Variants in ATP10A observed in about 807,000 individuals in gnomAD.
ATP10A encodes the protein ATPase phospholipid transporting 10A (putative), also known as phospholipid-transporting ATPase VA.
ATP10A carries 111 observed loss-of-function variants against 147.8 expected under a neutral mutation model. The observed-to-expected ratio is 0.75, with a 90% confidence interval of 0.64 to 0.88. The LOEUF is 0.88. Ranked by LOEUF, ATP10A falls within the 40% of genes least tolerant of loss-of-function variation. The probability of loss-of-function intolerance (pLI) is 0.00; values close to 1 mark genes in which losing one functional copy is unlikely to be tolerated. For synonymous variants in ATP10A, 875 were observed against 841.6 expected, an observed-to-expected ratio of 1.04 and a Z score of -0.69; for missense variants, 1,927 against 1,959.0, an observed-to-expected ratio of 0.98 and a Z score of 0.31.
intron 2 of ATP10A, among the ~76,000 whole-genome samples, chr15:25,744,112 C>T (rs760436329): frequency 5.3e-5 from 8 of 152,002 alleles, no homozygotes; most frequent in Non-Finnish European, 1.0e-4. Context: ...AGGTGAACTG[C>T]GGGAAAGAGC....
At chr15:25,792,722 A>G (rs1890486633) in intron 1 of ATP10A, among the ~76,000 whole-genome samples, 1 of 152,110 alleles carries the variant, frequency 6.6e-6, no homozygotes, top group Admixed American at 6.5e-5. Context: ...ATTCACCTCC[A>G]GGAGACTTGT....
intron 2 of ATP10A, among the ~76,000 whole-genome samples, chr15:25,760,950 G>A (rs1484774291): frequency 1.3e-5 from 2 of 152,108 alleles, no homozygotes; most frequent in Non-Finnish European, 2.9e-5. Context: ...CTAAGTCTTT[G>A]CAAAGACTTT....
intron 1 of ATP10A, among the ~76,000 whole-genome samples, chr15:25,857,647 GA>G (rs1265823028): frequency 6.6e-6 from 1 of 152,148 alleles, no homozygotes; most frequent in Non-Finnish European, 1.5e-5. Context: ...GCTAATTGTT[GA>G]AACTGGACAA....
Position 25,708,027 on chromosome 15 carries a change from C to T in ATP10A, c.2524G>A (p.Glu842Lys). 6.2e-7 allele frequency: 1 copy of T among 1,614,172 alleles called. No homozygotes were observed. Among genetic ancestry groups the T allele is most frequent in the South Asian group, 1.1e-5 (1 of 91,082 alleles). ...EAESSLENSE[E>K]LLFQSAIRLE... is the part of the protein sequence containing the mutation. ...CGAATGGCAGACTGGAAGAGGAGCT[C>T]CTCGCTGTTTTCCAGGGAGGATTCG... The change falls in exon 12 of 21, where the codon GAG becomes AAG. Residue 842 changes from glutamate (E) to lysine (K), a missense_variant. Coordinates refer to ENST00000555815, the MANE Select transcript of ATP10A (RefSeq NM_024490.4).
At position 25,716,934 on chromosome 15, in the gene ATP10A, A is replaced by T; in HGVS notation, c.1582-10T>A. 1 of 1,549,360 alleles carries T rather than the reference A, an allele frequency of 6.5e-7. No individual in the cohort carries two copies. The highest frequency in any genetic ancestry group is 8.7e-7 in the Non-Finnish European group (1 of 1,144,738). ...GCGTGATATCCTTCTCCTGGGAGAA[A>T]GGGAGGCTGGCAGTGAGTCCCACCC... is the stretch of plus-strand genomic sequence containing the variant. On this transcript the variant is annotated splice_polypyrimidine_tract_variant and intron_variant, in intron 8 of 20. Transcript: ENST00000555815.
intron 2 of ATP10A, among the ~76,000 whole-genome samples, chr15:25,767,368 G>A (rs1249842194): frequency 1.3e-5 from 2 of 152,200 alleles, no homozygotes; most frequent in Non-Finnish European, 2.9e-5. Flanking sequence ...ATCCCGGACA[G>A]CGAGTCTGCT....
intron 19 of ATP10A, 150 bp from the exon 20 acceptor site, chr15:25,680,458 G>A: frequency 1.2e-6 from 1 of 839,830 alleles, no homozygotes; most frequent in Non-Finnish European, 1.8e-6. Context: ...AACCGGTGGG[G>A]CTCAATGAGG....
intron 5 of ATP10A, among the ~76,000 whole-genome samples, chr15:25,724,949 G>C (rs758266861): frequency 6.6e-6 from 1 of 152,264 alleles, no homozygotes; most frequent in Non-Finnish European, 1.5e-5. Flanking sequence ...CATTTACATC[G>C]TATTAGGCAT....
At chr15:25,752,497 G>A (rs1888206453) in intron 2 of ATP10A, among the ~76,000 whole-genome samples, 1 of 152,140 alleles carries the variant, frequency 6.6e-6, no homozygotes. Context: ...TGGGAGTTGG[G>A]AGAGATGGGG....
rs929620966 is a variant in ATP10A at position 25,758,761 on chromosome 15, C to T, written c.654+22258G>A. 3.3e-5 allele frequency among the ~76,000 whole-genome samples: 4 copies of T among 122,820 alleles called. 1 individual carries two copies. The highest frequency in any genetic ancestry group is 6.5e-5 in the African/African-American group (2 of 30,622). The allele number at this position is 122,820 out of a possible 152,430, so 80.6% of individuals were successfully genotyped here. On this transcript the variant is annotated intron_variant, in intron 2 of 20. Transcript: ENST00000555815. ...CCACCTGCTCCACCCTAACTCATTC[C>T]GATCACCTGCTCCACCCTAACTCAT...
At chr15:25,728,526 C>A (rs1022702999) in intron 3 of ATP10A, among the ~76,000 whole-genome samples, 1 of 152,266 alleles carries the variant, frequency 6.6e-6, no homozygotes, top group East Asian at 1.9e-4. Context: ...TATGAGATAT[C>A]CTTAGGTACA....
At chr15:25,839,524 T>C (rs1336666944) in intron 1 of ATP10A, among the ~76,000 whole-genome samples, 5 of 152,130 alleles carry the variant, frequency 3.3e-5, no homozygotes, top group Non-Finnish European at 5.9e-5. Context: ...AAATCTACAC[T>C]AGCCCTCCTT....
rs1191013315 is a variant in ATP10A, at chr15:25,862,961, T to C, written c.136A>G (p.Lys46Glu). Residue 46 changes from lysine to glutamate, a missense_variant, in exon 1 of 21, where the codon AAG becomes GAG. Lys to Glu is a moderately conservative substitution (Grantham distance 56, BLOSUM62 1). Coordinates refer to ENST00000555815, the MANE Select transcript of ATP10A (RefSeq NM_024490.4). Reference protein sequence around the residue: ...GAEDPAAGAAKGERRRRRGCA... With the variant: ...GAEDPAAGAAEGERRRRRGCA... ...CCGCGCCGCCGTCGCCGCTCGCCCT[T>C]GGCCGCGCCAGCCGCAGGGTCCTCG... 1.9e-6 allele frequency: 3 copies of C among 1,539,760 alleles called. No individual in the cohort carries two copies. Among genetic ancestry groups the C allele is most frequent in the African/African-American group, 1.4e-5 (1 of 70,514 alleles).
At chr15:25,739,718 C>G (rs1251136768) in intron 2 of ATP10A, among the ~76,000 whole-genome samples, 1 of 152,176 alleles carries the variant, frequency 6.6e-6, no homozygotes, top group African/African-American at 2.4e-5. Context: ...AAGGGTTCGC[C>G]CACTGCAGAG....
In ATP10A at chr15:25,786,530, G is replaced by A. The variant is rs539733580; in HGVS notation, c.450-5307C>T. Reference sequence around the variant, plus strand: ...GACCTCCCCTACAAAGGCCATGGACGACTAAGAGCTTGGGACAGGTCTTTA... The same window carrying A: ...GACCTCCCCTACAAAGGCCATGGACAACTAAGAGCTTGGGACAGGTCTTTA... On this transcript the variant is annotated intron_variant, in intron 1 of 20. Coordinates refer to ENST00000555815, the MANE Select transcript of ATP10A (RefSeq NM_024490.4). Among the ~76,000 whole-genome samples the A allele has an allele frequency of 8.6e-5, 13 of 151,380 alleles. No individual in the cohort carries two copies. The East Asian group carries it at 1.9e-3, about 23-fold the overall frequency.
At chr15:25,718,674 C>T (rs1176650210) in intron 7 of ATP10A, among the ~76,000 whole-genome samples, 3 of 152,206 alleles carry the variant, frequency 2.0e-5, no homozygotes, top group East Asian at 1.9e-4. Flanking sequence ...GGAAGGGGAA[C>T]GGGTTGACGT....
At chr15:25,815,145 T>A (rs1891595819) in intron 1 of ATP10A, among the ~76,000 whole-genome samples, 1 of 152,150 alleles carries the variant, frequency 6.6e-6, no homozygotes, top group South Asian at 2.1e-4. Context: ...CACTCAGAAG[T>A]TACGCTCCAT....
At chr15:25,741,490 C>T (rs1285055090) in intron 2 of ATP10A, among the ~76,000 whole-genome samples, 1 of 152,224 alleles carries the variant, frequency 6.6e-6, no homozygotes, top group Non-Finnish European at 1.5e-5. Context: ...TAGCTCCTTA[C>T]TTATTGATCA....
At chr15:25,687,387 T>C (rs900082353) in intron 16 of ATP10A, among the ~76,000 whole-genome samples, 3 of 151,960 alleles carry the variant, frequency 2.0e-5, no homozygotes, top group African/African-American at 7.2e-5. Flanking sequence ...ACCAGCTGTG[T>C]GCCCCTGTGC....
Sources: gnomAD v4.1 joint callset for allele counts (sites outside exome capture counted in the v4.1 genomes callset) on GRCh38, gnomAD v4.1.1 for gene constraint, MANE v1.5 for transcripts, NCBI Gene and HGNC (gene_info 2026-07-23, HGNC 2026-07-21) for gene names.